The following CHST9 variants were observed in gnomAD, a reference collection of about 807,000 sequenced individuals.
The protein encoded by CHST9 is GalNAc-4-sulfotransferase 2.
Under a neutral mutation model 44.4 loss-of-function variants are expected in CHST9, and 41 were observed. The ratio of observed to expected loss-of-function variants is 0.92; its 90% CI spans 0.72 to 1.20. CHST9 has a LOEUF of 1.20. Ranked by LOEUF, CHST9 falls within the 50% of genes most tolerant of loss-of-function variation. The pLI, the probability that CHST9 is intolerant of heterozygous loss-of-function variation, is 0.00. For synonymous variants in CHST9, 171 were observed against 178.4 expected (o/e 0.96, Z 0.33); for missense variants, 504 against 516.5 (o/e 0.98, Z 0.23).
intron 2 of CHST9, among the ~76,000 whole-genome samples, chr18:27,125,758 G>T (rs752324831): frequency 7.9e-5 from 12 of 152,122 alleles, no homozygotes; most frequent in Non-Finnish European, 1.6e-4. Flanking sequence ...GAAGATAGCC[G>T]TCAATGTCAC....
chr18:26,958,146 A>C (rs957206293), intron 4 of CHST9, among the ~76,000 whole-genome samples: 9 of 151,826 alleles, frequency 5.9e-5, no homozygotes, highest in African/African-American at 1.9e-4. Context: ...TTGGCCTCCC[A>C]AAGTGCTGGG....
At chr18:27,131,990 G>A (rs1034421116) in intron 2 of CHST9, among the ~76,000 whole-genome samples, 1 of 152,062 alleles carries the variant, frequency 6.6e-6, no homozygotes, top group African/African-American at 2.4e-5. Context: ...ATTAATTTAT[G>A]TCTTTGCCTG....
chr18:26,972,920 G>A (rs1328459743), intron 4 of CHST9, among the ~76,000 whole-genome samples: 1 of 152,084 alleles, frequency 6.6e-6, no homozygotes, highest in Non-Finnish European at 1.5e-5. Flanking sequence ...GAAGACGGCC[G>A]AGCTTCACCC....
intron 5 of CHST9, among the ~76,000 whole-genome samples, chr18:26,924,143 G>T (rs1301987150): frequency 6.6e-6 from 1 of 152,200 alleles, no homozygotes; most frequent in Non-Finnish European, 1.5e-5. Context: ...CCTGGGGGCA[G>T]AGGGATCTTC....
At chr18:26,940,931 G>A (rs1047495331) in intron 5 of CHST9, among the ~76,000 whole-genome samples, 9 of 152,208 alleles carry the variant, frequency 5.9e-5, no homozygotes, top group African/African-American at 1.9e-4. Context: ...TGTCCACAGG[G>A]GCAGAGAGTG....
At chr18:27,061,712 G>A (rs764962036) in intron 2 of CHST9, among the ~76,000 whole-genome samples, 2 of 152,010 alleles carry the variant, frequency 1.3e-5, no homozygotes, top group Admixed American at 1.3e-4. Flanking sequence ...CCCAGTGCAC[G>A]TGCATGAGGC....
At chr18:27,143,345 A>G (rs145681312) in intron 1 of CHST9, among the ~76,000 whole-genome samples, 1 of 152,150 alleles carries the variant, frequency 6.6e-6, no homozygotes, top group African/African-American at 2.4e-5. Context: ...GTGTAATATC[A>G]TTTTTCTCTC....
chr18:26,956,348 C>T (rs1398471307), intron 4 of CHST9, among the ~76,000 whole-genome samples: 9 of 144,914 alleles, frequency 6.2e-5, no homozygotes, highest in South Asian at 4.3e-4. Flanking sequence ...TATATATACA[C>T]ACACAATTAT....
chr18:26,975,725 G>GTGTGTA (rs1383045273), intron 4 of CHST9, among the ~76,000 whole-genome samples: 23 of 101,832 alleles, frequency 2.3e-4, no homozygotes, highest in African/African-American at 4.8e-4. Flanking sequence ...GTGTGTGTGT[G>GTGTGTA]TATATATATA....
intron 4 of CHST9, among the ~76,000 whole-genome samples, chr18:26,970,691 G>T (rs1233359867): frequency 6.6e-6 from 1 of 152,234 alleles, no homozygotes; most frequent in Non-Finnish European, 1.5e-5. Flanking sequence ...GCCTCCCAAA[G>T]TGCTGGGATT....
At chr18:27,180,949 C>T (rs1341690156) in intron 1 of CHST9, among the ~76,000 whole-genome samples, 1 of 151,738 alleles carries the variant, frequency 6.6e-6, no homozygotes, top group Admixed American at 6.6e-5. Context: ...AAATGTCATG[C>T]CTTACAAAAA....
chr18:26,923,608 C>G (rs1443858206), intron 5 of CHST9, among the ~76,000 whole-genome samples: 1 of 152,084 alleles, frequency 6.6e-6, no homozygotes, highest in Non-Finnish European at 1.5e-5. Flanking sequence ...AAACTTGAGA[C>G]TTTGATCATT....
intron 4 of CHST9, among the ~76,000 whole-genome samples, chr18:26,983,076 C>T (rs1285549701): frequency 2.6e-5 from 4 of 152,064 alleles, no homozygotes; most frequent in South Asian, 4.1e-4. Flanking sequence ...AGAATCACAG[C>T]GGGAGTCCAG....
intron 4 of CHST9, among the ~76,000 whole-genome samples, chr18:27,015,662 T>C (rs529483102): frequency 6.6e-6 from 1 of 152,340 alleles, no homozygotes; most frequent in African/African-American, 2.4e-5. Context: ...TAGGGGCTTC[T>C]ATACTCCAAT....
At chr18:26,931,935 T>G (rs1006021791) in intron 5 of CHST9, among the ~76,000 whole-genome samples, 1 of 152,130 alleles carries the variant, frequency 6.6e-6, no homozygotes, top group Non-Finnish European at 1.5e-5. Flanking sequence ...AAATGGTATG[T>G]CTCTCACTAC....
chr18:26,997,056 A>G (rs1027156917), intron 4 of CHST9, among the ~76,000 whole-genome samples: 2 of 152,196 alleles, frequency 1.3e-5, no homozygotes, highest in African/African-American at 4.8e-5. Context: ...CTGAGTTCCA[A>G]TTTTGCTTTA....
chr18:27,179,014 A>G (rs567860176), intron 1 of CHST9, among the ~76,000 whole-genome samples: 16 of 152,084 alleles, frequency 1.1e-4, no homozygotes, highest in African/African-American at 3.4e-4. Flanking sequence ...GTGTGTATAC[A>G]TATATGCTTT....
intron 2 of CHST9, among the ~76,000 whole-genome samples, chr18:27,084,464 T>TC (rs1273122527): frequency 2.6e-5 from 4 of 151,312 alleles, no homozygotes; most frequent in Non-Finnish European, 5.9e-5. Context: ...CTGGGTTTTT[T>TC]TTTTTTTATT....
At chr18:27,097,347 C>T (rs1251571053) in intron 2 of CHST9, among the ~76,000 whole-genome samples, 2 of 152,000 alleles carry the variant, frequency 1.3e-5, no homozygotes, top group African/African-American at 4.8e-5. Flanking sequence ...GACAAAGATG[C>T]CCATTCTCAC....
Sources: allele counts gnomAD v4.1 joint callset (sites outside exome capture counted in the v4.1 genomes callset), GRCh38; gene constraint gnomAD v4.1.1; transcripts MANE v1.5; gene names NCBI Gene and HGNC (gene_info 2026-07-23, HGNC 2026-07-21).